Variants in BCAR3 observed in about 807,000 individuals in gnomAD.
BCAR3 encodes the protein breast cancer anti-estrogen resistance protein 3.
A neutral mutation model predicts 80.1 loss-of-function variants in BCAR3; 37 were observed. The observed-to-expected ratio is 0.46, with a 90% CI of 0.36 to 0.61. BCAR3 has a LOEUF of 0.61. Ranked by LOEUF, BCAR3 falls within the 20% of genes least tolerant of loss-of-function variation. The probability of loss-of-function intolerance (pLI) is 0.00; values close to 1 mark genes in which losing one functional copy is unlikely to be tolerated. For missense variants in BCAR3, 978 were observed against 1,068.2 expected (o/e 0.92, Z 1.18); for synonymous variants, 389 against 418.9 (o/e 0.93, Z 0.87).
intron 2 of BCAR3, among the ~76,000 whole-genome samples, chr1:93,651,063 A>C (rs1194883129): frequency 6.6e-6 from 1 of 152,252 alleles, no homozygotes; most frequent in Non-Finnish European, 1.5e-5. Flanking sequence ...GGACAGGTCC[A>C]GAAAACCAGC....
chr1:93,658,236 G>A (rs1235655384), intron 2 of BCAR3, among the ~76,000 whole-genome samples: 1 of 152,176 alleles, frequency 6.6e-6, no homozygotes, highest in East Asian at 1.9e-4. Context: ...ACCGCGCCCA[G>A]TCCGTTACTG....
chr1:93,571,595 A>G, intron 9 of BCAR3, 75 bp downstream of exon 9: 1 of 1,552,752 alleles, frequency 6.4e-7, no homozygotes, highest in Non-Finnish European at 8.9e-7. Flanking sequence ...TGACTAAAAT[A>G]GTCTGATTTG....
At chr1:93,635,803 C>T (rs186941141) in intron 3 of BCAR3, among the ~76,000 whole-genome samples, 120 of 152,300 alleles carry the variant, frequency 7.9e-4, no homozygotes, top group African/African-American at 2.7e-3. Flanking sequence ...GAATGTACAG[C>T]GTGCCATTGT....
intron 3 of BCAR3, among the ~76,000 whole-genome samples, chr1:93,632,369 T>C (rs1263805068): frequency 6.6e-6 from 1 of 152,206 alleles, no homozygotes; most frequent in Non-Finnish European, 1.5e-5. Flanking sequence ...GATTTTCAAC[T>C]TTACGACGGT....
chr1:93,762,829 C>T (rs1158932020), intron 2 of BCAR3, among the ~76,000 whole-genome samples: 1 of 152,108 alleles, frequency 6.6e-6, no homozygotes, highest in Non-Finnish European at 1.5e-5. Flanking sequence ...CCTCCTGAAT[C>T]ATAGTCAATT....
intron 2 of BCAR3, among the ~76,000 whole-genome samples, chr1:93,788,532 T>C (rs1339419656): frequency 6.6e-6 from 1 of 152,214 alleles, no homozygotes; most frequent in Non-Finnish European, 1.5e-5. Context: ...AGCATTTGTT[T>C]GTCTGAAAAA....
At chr1:93,764,093 G>T (rs1320392222) in intron 2 of BCAR3, among the ~76,000 whole-genome samples, 1 of 152,064 alleles carries the variant, frequency 6.6e-6, no homozygotes, top group Non-Finnish European at 1.5e-5. Context: ...TCTTAAGGCA[G>T]AACTGAAGGC....
chr1:93,662,371 G>A (rs1459634204), intron 2 of BCAR3, among the ~76,000 whole-genome samples: 13 of 152,042 alleles, frequency 8.6e-5, no homozygotes, highest in Non-Finnish European at 1.5e-4. Flanking sequence ...GTAATGAATG[G>A]TTTTGGACTC....
intron 8 of BCAR3, among the ~76,000 whole-genome samples, chr1:93,572,261 C>T (rs987113668): frequency 4.6e-5 from 7 of 152,158 alleles, no homozygotes; most frequent in African/African-American, 1.7e-4. Flanking sequence ...TCCACTGAGC[C>T]CCCTGGATTT....
At chr1:93,594,579 A>G (rs1674348709) in intron 3 of BCAR3, 1 of 152,346 alleles carries the variant, frequency 6.6e-6, no homozygotes, top group South Asian at 2.1e-4. Flanking sequence ...GATCTACCTT[A>G]TGGAAGCCTG....
At chr1:93,837,424 T>C (rs1394239951) in intron 2 of BCAR3, among the ~76,000 whole-genome samples, 2 of 152,164 alleles carry the variant, frequency 1.3e-5, no homozygotes, top group East Asian at 1.9e-4. Context: ...TCTTCCTCCT[T>C]CTTCATTCCC....
intron 3 of BCAR3, among the ~76,000 whole-genome samples, chr1:93,619,090 C>T (rs1675230863): frequency 6.6e-6 from 1 of 150,440 alleles, no homozygotes. Context: ...AGGCACATGC[C>T]ACCACGCCAA....
chr1:93,797,594 C>CA (rs1157736483), intron 2 of BCAR3, among the ~76,000 whole-genome samples: 1 of 151,950 alleles, frequency 6.6e-6, no homozygotes, highest in African/African-American at 2.4e-5. Flanking sequence ...TTAGGTTAAG[C>CA]AAAACCAGTG....
At chr1:93,814,970 C>T (rs956567036) in intron 2 of BCAR3, among the ~76,000 whole-genome samples, 2 of 152,218 alleles carry the variant, frequency 1.3e-5, no homozygotes, top group Non-Finnish European at 2.9e-5. Flanking sequence ...CCACACATTC[C>T]TTCCTCCTTG....
chr1:93,763,888 ACAAT>A (rs1369717455), intron 2 of BCAR3, among the ~76,000 whole-genome samples: 2 of 152,182 alleles, frequency 1.3e-5, no homozygotes, highest in Non-Finnish European at 2.9e-5. Flanking sequence ...AGAGATGCGC[ACAAT>A]CAGTCTGTGA....
intron 2 of BCAR3, among the ~76,000 whole-genome samples, chr1:93,664,278 C>G (rs1647795288): frequency 6.6e-6 from 1 of 152,126 alleles, no homozygotes; most frequent in Non-Finnish European, 1.5e-5. Context: ...CACCACCACG[C>G]CCAGCTAATT....
intron 3 of BCAR3, among the ~76,000 whole-genome samples, chr1:93,697,086 C>T (rs926198126): frequency 4.6e-5 from 7 of 152,246 alleles, no homozygotes; most frequent in African/African-American, 1.4e-4. Flanking sequence ...CCAGGTACAG[C>T]GCACCTCGAG....
chr1:93,835,713 C>T (rs1471573304), intron 2 of BCAR3, among the ~76,000 whole-genome samples: 1 of 152,168 alleles, frequency 6.6e-6, no homozygotes, highest in East Asian at 1.9e-4. Flanking sequence ...CAGACCCCCT[C>T]CCTTCCCTAC....
chr1:93,826,178 A>G (rs1654367547), intron 2 of BCAR3, among the ~76,000 whole-genome samples: 1 of 152,096 alleles, frequency 6.6e-6, no homozygotes, highest in Non-Finnish European at 1.5e-5. Context: ...GGAGGAGGGC[A>G]CTGTCTGGGA....
Sources: allele counts gnomAD v4.1 joint callset (sites outside exome capture counted in the v4.1 genomes callset), GRCh38; gene constraint gnomAD v4.1.1; transcripts MANE v1.5; gene names NCBI Gene and HGNC (gene_info 2026-07-23, HGNC 2026-07-21).